The following ANKIB1 variants were observed in gnomAD, a reference collection of about 807,000 sequenced individuals.
ANKIB1 encodes the protein ankyrin repeat and IBR domain-containing protein 1.
A neutral mutation model predicts 122.1 loss-of-function variants in ANKIB1; 43 were observed. The ratio of observed to expected loss-of-function variants is 0.35; its 90% CI spans 0.28 to 0.45. The LOEUF (loss-of-function observed/expected upper bound fraction) is 0.45. Among genes scored for constraint, ANKIB1 ranks in the 20% least tolerant of loss-of-function variants. The pLI is 1.00. For missense variants in ANKIB1, 992 were observed against 1,329.5 expected, an observed-to-expected ratio of 0.75 and a Z score of 3.95; for synonymous variants, 390 against 442.0, an observed-to-expected ratio of 0.88 and a Z score of 1.48.
Position 92,366,548 on chromosome 7 carries a change from A to G in ANKIB1, c.1486+4275A>G, listed in dbSNP as rs572397363. On this transcript the variant is annotated intron_variant, in intron 10 of 19. Transcript: ENST00000265742. The stretch of plus-strand genomic sequence containing the variant: ...ACTATGGGTATGATCTTTTAGGTTT[A>G]TATAGTCCTTCTCTGGTAGAACAAA... 4.6e-5 allele frequency among the ~76,000 whole-genome samples: 7 copies of G among 152,314 alleles called. No individual in the cohort carries two copies. The South Asian group carries it at 6.2e-4, about 14-fold the overall frequency.
chr7:92,346,822 A>G (rs1803551173), intron 7 of ANKIB1, among the ~76,000 whole-genome samples: 1 of 152,202 alleles, frequency 6.6e-6, no homozygotes, highest in African/African-American at 2.4e-5. Flanking sequence ...CCTGACTTGT[A>G]TCACAGGAAC....
At chr7:92,372,371 G>A (rs1257674161) in intron 11 of ANKIB1, among the ~76,000 whole-genome samples, 1 of 152,072 alleles carries the variant, frequency 6.6e-6, no homozygotes, top group Non-Finnish European at 1.5e-5. Context: ...ATGTGCATAG[G>A]TTAGTATGCA....
chr7:92,371,707 G>A, intron 11 of ANKIB1, 100 bp downstream of exon 11: 3 of 1,351,282 alleles, frequency 2.2e-6, no homozygotes, highest in Non-Finnish European at 3.0e-6. Flanking sequence ...GCCTGGTGCA[G>A]TGGCTCTTGC....
intron 15 of ANKIB1, among the ~76,000 whole-genome samples, chr7:92,390,891 T>A (rs997634984): frequency 1.3e-5 from 2 of 152,214 alleles, no homozygotes; most frequent in Admixed American, 1.3e-4. Flanking sequence ...ACTCACTACT[T>A]CTTTGTAATC....
intron 3 of ANKIB1, among the ~76,000 whole-genome samples, chr7:92,308,205 T>C (rs182179548): frequency 1.3e-5 from 2 of 152,198 alleles, no homozygotes; most frequent in East Asian, 3.9e-4. Context: ...TTCATTGTTT[T>C]AGGGAGAGAG....
rs182505930 is a variant in ANKIB1, at chr7:92,335,671, T to C, written c.788-7353T>C. Among the ~76,000 whole-genome samples the C allele has an allele frequency of 2.2e-4, 34 of 152,110 alleles. No individual in the cohort carries two copies. In the East Asian group the frequency reaches 5.8e-3, roughly 26 times the overall value. On this transcript the variant is annotated intron_variant, in intron 5 of 19. Coordinates refer to ENST00000265742, the MANE Select transcript of ANKIB1 (RefSeq NM_019004.2). ...TTTATCTGATACTAATATAGCACTT[T>C]GGCTTTTTTATGCTATTTGAATATC...
At chr7:92,354,863 A>G (rs895743454) in intron 9 of ANKIB1, among the ~76,000 whole-genome samples, 2 of 152,228 alleles carry the variant, frequency 1.3e-5, no homozygotes, top group Admixed American at 1.3e-4. Flanking sequence ...CACAAATTAA[A>G]CGCAAATGAT....
rs935880295 is a variant in ANKIB1 at position 92,401,173 on chromosome 7, G to A, written c.*2224G>A. On this transcript the variant is annotated 3_prime_UTR_variant, in exon 20 of 20. Coordinates refer to ENST00000265742, the MANE Select transcript of ANKIB1 (RefSeq NM_019004.2). ...ACTTTACAATTCAGTAATGAAGTTTGGCAAAGCCTATTTTGTAAACAAGTT... is the reference window on the plus strand; with the variant it reads ...ACTTTACAATTCAGTAATGAAGTTTAGCAAAGCCTATTTTGTAAACAAGTT... The A allele has an allele frequency of 4.6e-5, 7 of 152,052 alleles. No individual in the cohort carries two copies. Among genetic ancestry groups the A allele is most frequent in the African/African-American group, 1.4e-4 (6 of 41,412 alleles). 9.4% of individuals were successfully genotyped at this position (152,052 alleles called of 1,614,324 possible). A position where few individuals can be genotyped will look rare whatever the true frequency, so the allele number is the denominator to read the frequency against.
rs1405785858 is a variant in ANKIB1 at position 92,295,223 on chromosome 7, CAA to C, written c.188+59_188+60del. 53 of 1,244,310 alleles carry C rather than the reference CAA, an allele frequency of 4.3e-5. No homozygotes were observed. In the Admixed American group the frequency reaches 7.8e-4, roughly 18 times the overall value. The allele number at this position is 1,244,310 out of a possible 1,614,324, so 77.1% of individuals were successfully genotyped here. Reference sequence around the variant, plus strand: ...GGTATTACCGTAAACTAATTGGTAACAAAGTGGTGAAAAAAAAGGAACTATGA... The same window carrying C: ...GGTATTACCGTAAACTAATTGGTAACAGTGGTGAAAAAAAAGGAACTATGA... On this transcript the variant is annotated intron_variant, in intron 2 of 19. Transcript: ENST00000265742.
At chr7:92,333,035 A>G (rs1207796169) in intron 5 of ANKIB1, among the ~76,000 whole-genome samples, 1 of 152,100 alleles carries the variant, frequency 6.6e-6, no homozygotes, top group East Asian at 1.9e-4. Context: ...CAACTTCGAC[A>G]TTTCCTCTCC....
intron 7 of ANKIB1, among the ~76,000 whole-genome samples, chr7:92,346,274 G>GCA (rs964000905): frequency 6.6e-6 from 1 of 151,970 alleles, no homozygotes; most frequent in Non-Finnish European, 1.5e-5. Context: ...GGGACTATAG[G>GCA]CACACACCAC....
chr7:92,347,931 T>C (rs1803575498), intron 7 of ANKIB1: 1 of 428,468 alleles, frequency 2.3e-6, no homozygotes. Flanking sequence ...ATATTACTTA[T>C]TATCATATTC....
At position 92,371,458 on chromosome 7, in the gene ANKIB1, T is replaced by C; in HGVS notation, c.1487-19T>C. On this transcript the variant is annotated intron_variant, in intron 10 of 19. Transcript: ENST00000265742. Reference sequence around the variant, plus strand: ...ACACTAAATCATTTATTTTTGTGATTGTGTTTAATATCCCAAAGTTGTGGG... The same window carrying C: ...ACACTAAATCATTTATTTTTGTGATCGTGTTTAATATCCCAAAGTTGTGGG... The C allele has an allele frequency of 6.3e-7, 1 of 1,592,766 alleles. No individual in the cohort carries two copies. The highest frequency in any genetic ancestry group is 8.6e-7 in the Non-Finnish European group (1 of 1,168,154).
intron 5 of ANKIB1, among the ~76,000 whole-genome samples, chr7:92,340,167 A>C (rs1247017244): frequency 6.6e-6 from 1 of 152,126 alleles, no homozygotes; most frequent in Admixed American, 6.6e-5. Context: ...TCTGTAATCC[A>C]GCTGTCTTTC....
intron 5 of ANKIB1, among the ~76,000 whole-genome samples, chr7:92,334,305 A>G (rs1803240556): frequency 6.6e-6 from 1 of 152,124 alleles, no homozygotes; most frequent in African/African-American, 2.4e-5. Context: ...TACTTTGCTC[A>G]GTTAAGTAAC....
At chr7:92,299,949 C>T (rs1439080987) in intron 2 of ANKIB1, among the ~76,000 whole-genome samples, 1 of 152,106 alleles carries the variant, frequency 6.6e-6, no homozygotes, top group Non-Finnish European at 1.5e-5. Context: ...GGACTACAGG[C>T]ATGTGCCACT....
Position 92,399,489 on chromosome 7 carries a change from T to C in ANKIB1, c.*540T>C, listed in dbSNP as rs1293091872. 3 of 152,244 alleles carry C rather than the reference T, an allele frequency of 2.0e-5. 1 individual carries two copies. Among genetic ancestry groups the C allele is most frequent in the Non-Finnish European group, 1.5e-5 (1 of 68,046 alleles). The allele number at this position is 152,244 out of a possible 1,614,324, so 9.4% of individuals were successfully genotyped here. Reference sequence around the variant, plus strand: ...CTCTTTAGTACCACATCTACCATAGTGTAATTAGTTTTAATTTTCACATGA... The same window carrying C: ...CTCTTTAGTACCACATCTACCATAGCGTAATTAGTTTTAATTTTCACATGA... On this transcript the variant is annotated 3_prime_UTR_variant, in exon 20 of 20. Transcript: ENST00000265742.
intron 9 of ANKIB1, 89 bp downstream of exon 9, chr7:92,352,731 T>C (rs1253845201): frequency 5.5e-6 from 7 of 1,276,088 alleles, no homozygotes; most frequent in Non-Finnish European, 7.6e-6. Context: ...GCCTTTAAAT[T>C]GTAGTATACT....
chr7:92,297,809 CT>C (rs911402939), intron 2 of ANKIB1, among the ~76,000 whole-genome samples: 1 of 152,160 alleles, frequency 6.6e-6, no homozygotes, highest in Non-Finnish European at 1.5e-5. Flanking sequence ...CCAAAACTCT[CT>C]TTACTTCTGG....
Sources: allele counts gnomAD v4.1 joint callset (sites outside exome capture counted in the v4.1 genomes callset), GRCh38; gene constraint gnomAD v4.1.1; transcripts MANE v1.5; gene names NCBI Gene and HGNC (gene_info 2026-07-23, HGNC 2026-07-21).